Variants in ROBO2 observed in about 807,000 individuals in gnomAD.
The protein encoded by ROBO2 is roundabout guidance receptor 2.
A neutral mutation model predicts 160.8 loss-of-function variants in ROBO2; 53 were observed. That is an observed-to-expected ratio of 0.33 (90% CI 0.26 to 0.41). ROBO2 has a LOEUF of 0.41. ROBO2 is among the 10% of genes least tolerant of loss of function. The pLI, the probability that ROBO2 is intolerant of heterozygous loss-of-function variation, is 1.00. For missense variants in ROBO2, 1,577 were observed against 1,722.4 expected (o/e 0.92, Z 1.49); for synonymous variants, 664 against 611.7 (o/e 1.09, Z -1.26).
chr3:76,031,803 G>A (rs902122477), intron 2 of ROBO2, among the ~76,000 whole-genome samples: 3 of 152,158 alleles, frequency 2.0e-5, no homozygotes, highest in East Asian at 1.9e-4. Flanking sequence ...ATGTTCATCA[G>A]GGATATTGGT....
At chr3:76,414,837 CA>C (rs200154456) in intron 2 of ROBO2, among the ~76,000 whole-genome samples, 21 of 148,650 alleles carry the variant, frequency 1.4e-4, no homozygotes, top group Admixed American at 6.7e-4. Context: ...AAAACAGCAA[CA>C]AAAAAAATTA....
intron 2 of ROBO2, among the ~76,000 whole-genome samples, chr3:77,166,462 C>G (rs1337804574): frequency 6.6e-6 from 1 of 152,084 alleles, no homozygotes; most frequent in Non-Finnish European, 1.5e-5. Context: ...TTGCCTTTGG[C>G]CCAATATCTG....
At chr3:77,247,791 A>C (rs371860773) in intron 2 of ROBO2, among the ~76,000 whole-genome samples, 1 of 152,148 alleles carries the variant, frequency 6.6e-6, no homozygotes, top group South Asian at 2.1e-4. Flanking sequence ...TCTGCCACTT[A>C]CTTACTAATC....
At chr3:77,488,415 G>A (rs111335341) in intron 4 of ROBO2, among the ~76,000 whole-genome samples, 6,162 of 152,168 alleles carry the variant, frequency 0.04, 160 homozygotes, top group Middle Eastern at 0.051. Context: ...TTTCTTCCCC[G>A]TTTTTCAATA....
At position 76,760,200 on chromosome 3, in the gene ROBO2, T is replaced by G. The variant is rs551221214; in HGVS notation, c.110-337814T>G. ...TATGATTCTAACAATAAAACATTATTGAAATCTGTAAGTTTCAGGTGGACC... is the reference window on the plus strand; with the variant it reads ...TATGATTCTAACAATAAAACATTATGGAAATCTGTAAGTTTCAGGTGGACC... On this transcript the variant is annotated intron_variant, in intron 2 of 26. Transcript: ENST00000487694. Among the ~76,000 whole-genome samples the G allele has an allele frequency of 1.8e-4, 27 of 151,948 alleles. No homozygotes were observed. The South Asian group carries it at 5.6e-3, about 31-fold the overall frequency.
chr3:76,603,354 ATAT>A lies in ROBO2; in HGVS notation c.110-494659_110-494657del, dbSNP rs2087377573. Among the ~76,000 whole-genome samples the A allele has an allele frequency of 2.5e-3, 169 of 66,844 alleles. 3 individuals are homozygous for A. Among genetic ancestry groups the A allele is most frequent in the African/African-American group, 9.0e-3 (166 of 18,446 alleles). The allele number at this position is 66,844 out of a possible 152,430, so 43.9% of individuals were successfully genotyped here. A position where few individuals can be genotyped will look rare whatever the true frequency, so the allele number is the denominator to read the frequency against. ...CTCCAAAAAAAAAAAAAAAAAAAATATATATATATATATATATATATATATATA... is the reference window on the plus strand; with the variant it reads ...CTCCAAAAAAAAAAAAAAAAAAAATAATATATATATATATATATATATATA... On this transcript the variant is annotated intron_variant, in intron 2 of 26. Coordinates refer to the ROBO2 transcript ENST00000487694.
intron 2 of ROBO2, among the ~76,000 whole-genome samples, chr3:76,267,542 A>G (rs1707172863): frequency 6.6e-6 from 1 of 152,180 alleles, no homozygotes; most frequent in African/African-American, 2.4e-5. Context: ...ATGCTATCAA[A>G]CACTGAATTT....
chr3:76,490,747 G>A (rs2079773722), intron 2 of ROBO2, among the ~76,000 whole-genome samples: 1 of 152,148 alleles, frequency 6.6e-6, no homozygotes, highest in African/African-American at 2.4e-5. Flanking sequence ...AGACAAGAAA[G>A]TGTTGAATGT....
rs148262889 is a variant in ROBO2 at position 75,991,200 on chromosome 3, A to G, written c.109+53598A>G. 5.4e-3 allele frequency among the ~76,000 whole-genome samples: 818 copies of G among 152,136 alleles called. 11 individuals carry two copies. Among genetic ancestry groups the G allele is most frequent in the African/African-American group, 0.019 (793 of 41,518 alleles). On this transcript the variant is annotated intron_variant, in intron 2 of 26. Transcript: ENST00000487694. ...GTATGTATCCATTTATTATTGGTAA[A>G]TTTCTGTAAAGAATCCTGACTAGTA...
chr3:76,904,664 GCT>G (rs1403421276), intron 2 of ROBO2, among the ~76,000 whole-genome samples: 1 of 152,066 alleles, frequency 6.6e-6, no homozygotes, highest in East Asian at 1.9e-4. Context: ...TTAAGAACAG[GCT>G]CCTGTAGCCC....
intron 2 of ROBO2, among the ~76,000 whole-genome samples, chr3:77,352,440 A>T (rs1298017563): frequency 1.3e-5 from 2 of 152,006 alleles, no homozygotes; most frequent in African/African-American, 2.4e-5. Flanking sequence ...CCAGAGAGAG[A>T]CATCAGTTTT....
intron 2 of ROBO2, among the ~76,000 whole-genome samples, chr3:77,167,754 C>T (rs530461707): frequency 1.3e-5 from 2 of 152,120 alleles, no homozygotes; most frequent in African/African-American, 4.8e-5. Flanking sequence ...TTTTAATATG[C>T]TGAATTAGCC....
chr3:76,868,790 A>G (rs2148662615), intron 2 of ROBO2, among the ~76,000 whole-genome samples: 1 of 152,164 alleles, frequency 6.6e-6, no homozygotes, highest in East Asian at 1.9e-4. Context: ...ACTCAAAAAA[A>G]AAGCATGTAT....
At position 76,991,778 on chromosome 3, in the gene ROBO2, A is replaced by T. The variant is rs144458522; in HGVS notation, c.110-106236A>T. 4.4e-4 allele frequency among the ~76,000 whole-genome samples: 67 copies of T among 152,292 alleles called. No individual in the cohort carries two copies. In the East Asian group the frequency reaches 0.012, roughly 27 times the overall value. ...ACCAAGTGAATACATTGTTAGTGGG[A>T]GTAGAAAGGCTTCAACTATCAGAGA... On this transcript the variant is annotated intron_variant, in intron 2 of 26. Coordinates refer to the ROBO2 transcript ENST00000487694.
chr3:76,721,858 T>C lies in ROBO2; in HGVS notation c.110-376156T>C, dbSNP rs1487323350. Among the ~76,000 whole-genome samples, 6 of 152,298 alleles carry C rather than the reference T, an allele frequency of 3.9e-5. No homozygotes were observed. In the South Asian group the frequency reaches 8.3e-4, roughly 21 times the overall value. On this transcript the variant is annotated intron_variant, in intron 2 of 26. Coordinates refer to the ROBO2 transcript ENST00000487694. ...ATTTGGGACACCCAGTGTGTTACAA[T>C]TGGCTTTAGAGATTTATTTTACAAG...
intron 2 of ROBO2, among the ~76,000 whole-genome samples, chr3:76,664,345 C>A (rs1269141169): frequency 6.6e-6 from 1 of 152,084 alleles, no homozygotes; most frequent in Non-Finnish European, 1.5e-5. Context: ...GGAAGAAAAA[C>A]TGAAGGCTAC....
At chr3:77,100,252 AGG>A (rs2071722909) in intron 2 of ROBO2, among the ~76,000 whole-genome samples, 2 of 152,122 alleles carry the variant, frequency 1.3e-5, no homozygotes, top group Non-Finnish European at 2.9e-5. Flanking sequence ...TGACCTAGAG[AGG>A]AAAACAAGAA....
intron 2 of ROBO2, among the ~76,000 whole-genome samples, chr3:76,488,087 A>T (rs766950642): frequency 1.3e-5 from 2 of 152,234 alleles, no homozygotes; most frequent in Non-Finnish European, 2.9e-5. Flanking sequence ...ATCAGGGTCA[A>T]CTTAGGTCCT....
At chr3:76,903,865 G>T (rs778977433) in intron 2 of ROBO2, among the ~76,000 whole-genome samples, 4 of 152,148 alleles carry the variant, frequency 2.6e-5, no homozygotes, top group Admixed American at 1.3e-4. Context: ...CAGGGTCTGA[G>T]TTTGCATGCA....
Sources: gnomAD v4.1 joint callset for allele counts (sites outside exome capture counted in the v4.1 genomes callset) on GRCh38, gnomAD v4.1.1 for gene constraint, MANE v1.5 for transcripts, NCBI Gene and HGNC (gene_info 2026-07-23, HGNC 2026-07-21) for gene names.